Variants in PCSK2 observed in about 807,000 individuals in gnomAD.
PCSK2 encodes the protein neuroendocrine convertase 2.
Under a neutral mutation model 69.7 loss-of-function variants are expected in PCSK2, and 14 were observed. The observed-to-expected ratio is 0.20, with a 90% CI of 0.13 to 0.31. PCSK2 has a LOEUF of 0.31. Ranked by LOEUF, PCSK2 falls within the 10% of genes least tolerant of loss-of-function variation. The pLI, the probability that PCSK2 is intolerant of heterozygous loss-of-function variation, is 1.00. For missense variants in PCSK2, 544 were observed against 842.5 expected, an observed-to-expected ratio of 0.65 and a Z score of 4.39; for synonymous variants, 307 against 320.7, an observed-to-expected ratio of 0.96 and a Z score of 0.46.
intron 2 of PCSK2, among the ~76,000 whole-genome samples, chr20:17,305,859 T>G (rs1989310924): frequency 6.6e-6 from 1 of 152,236 alleles, no homozygotes; most frequent in Non-Finnish European, 1.5e-5. Flanking sequence ...CTTTGCAGGT[T>G]TAGCACTATG....
At chr20:17,383,213 C>T (rs149267142) in intron 5 of PCSK2, among the ~76,000 whole-genome samples, 1 of 152,302 alleles carries the variant, frequency 6.6e-6, no homozygotes, top group African/African-American at 2.4e-5. Context: ...TTAATTTCTT[C>T]TGGCCATGCT....
chr20:17,265,485 T>A (rs1220889089), intron 2 of PCSK2, among the ~76,000 whole-genome samples: 1 of 152,182 alleles, frequency 6.6e-6, no homozygotes, highest in Non-Finnish European at 1.5e-5. Flanking sequence ...ATAAAGCATA[T>A]AGATTTGATT....
At chr20:17,332,017 A>G (rs961718318) in intron 2 of PCSK2, among the ~76,000 whole-genome samples, 1 of 152,226 alleles carries the variant, frequency 6.6e-6, no homozygotes, top group African/African-American at 2.4e-5. Context: ...CAGAGCATTT[A>G]TTACATGCTA....
chr20:17,314,056 GT>G (rs1989600847), intron 2 of PCSK2, among the ~76,000 whole-genome samples: 1 of 151,560 alleles, frequency 6.6e-6, no homozygotes, highest in African/African-American at 2.4e-5. Flanking sequence ...CACCCACCAT[GT>G]CCCTACCCCC....
chr20:17,303,585 C>CT (rs1450455120), intron 2 of PCSK2, among the ~76,000 whole-genome samples: 1 of 107,874 alleles, frequency 9.3e-6, no homozygotes, highest in Admixed American at 1.2e-4. Context: ...AAAATATATA[C>CT]TTTTTTTTTG....
intron 2 of PCSK2, among the ~76,000 whole-genome samples, chr20:17,289,501 AAT>A (rs1414740190): frequency 2.6e-5 from 4 of 152,174 alleles, no homozygotes; most frequent in African/African-American, 4.8e-5. Flanking sequence ...TATTCTAAAA[AAT>A]ATAGTTTATT....
At chr20:17,406,223 G>A (rs2031746699) in intron 5 of PCSK2, among the ~76,000 whole-genome samples, 2 of 152,184 alleles carry the variant, frequency 1.3e-5, no homozygotes, top group Admixed American at 1.3e-4. Flanking sequence ...AGACAGCATT[G>A]TAATTCAAAT....
At chr20:17,274,446 C>G (rs1024366149) in intron 2 of PCSK2, among the ~76,000 whole-genome samples, 1 of 152,162 alleles carries the variant, frequency 6.6e-6, no homozygotes, top group Non-Finnish European at 1.5e-5. Context: ...GGGAGTGATA[C>G]TGGGCCAATT....
chr20:17,469,161 A>G (rs1600604855), intron 11 of PCSK2, among the ~76,000 whole-genome samples: 1 of 152,238 alleles, frequency 6.6e-6, no homozygotes, highest in East Asian at 1.9e-4. Context: ...TCACTCCCGT[A>G]TCCCTCCTCT....
chr20:17,295,662 G>C (rs1988869906), intron 2 of PCSK2, among the ~76,000 whole-genome samples: 1 of 151,702 alleles, frequency 6.6e-6, no homozygotes, highest in Admixed American at 6.6e-5. Flanking sequence ...CCACCCTCCT[G>C]CCTCAGCCTT....
At chr20:17,467,785 G>A (rs2033127155) in intron 11 of PCSK2, among the ~76,000 whole-genome samples, 1 of 152,150 alleles carries the variant, frequency 6.6e-6, no homozygotes, top group South Asian at 2.1e-4. Flanking sequence ...CAACACACAA[G>A]TCTACAGCAG....
At chr20:17,394,464 C>A (rs939734099) in intron 5 of PCSK2, among the ~76,000 whole-genome samples, 2 of 152,036 alleles carry the variant, frequency 1.3e-5, no homozygotes, top group Non-Finnish European at 2.9e-5. Flanking sequence ...TTGGAGCGAA[C>A]CGTAGGGGAT....
At chr20:17,237,771 G>A (rs578156753) in intron 1 of PCSK2, among the ~76,000 whole-genome samples, 1 of 152,210 alleles carries the variant, frequency 6.6e-6, no homozygotes, top group African/African-American at 2.4e-5. Flanking sequence ...AGGAAAGGAA[G>A]GCAGGAATAA....
intron 5 of PCSK2, among the ~76,000 whole-genome samples, chr20:17,393,193 C>T (rs2031427019): frequency 6.6e-6 from 1 of 152,090 alleles, no homozygotes; most frequent in Non-Finnish European, 1.5e-5. Context: ...CCAATGAGAC[C>T]AGAACATCAC....
intron 2 of PCSK2, among the ~76,000 whole-genome samples, chr20:17,305,601 A>G (rs944449206): frequency 4.6e-5 from 7 of 152,242 alleles, no homozygotes; most frequent in Non-Finnish European, 1.0e-4. Flanking sequence ...AAATGGGTAT[A>G]ATACTACATC....
Position 17,402,186 on chromosome 20 carries a change from A to G in PCSK2, c.544-7077A>G, listed in dbSNP as rs184948975. ...CACTCCTCCACCACAGGGTTTTGGA[A>G]AATATCAATTAAATAATATATTTTA... is the stretch of plus-strand genomic sequence containing the variant. On this transcript the variant is annotated intron_variant, in intron 5 of 11. Coordinates refer to ENST00000262545, the MANE Select transcript of PCSK2 (RefSeq NM_002594.5). Among the ~76,000 whole-genome samples the G allele has an allele frequency of 4.6e-5, 7 of 152,364 alleles. No individual in the cohort carries two copies. In the East Asian group the frequency reaches 9.6e-4, roughly 21 times the overall value.
At chr20:17,371,195 G>T (rs557829507) in intron 5 of PCSK2, among the ~76,000 whole-genome samples, 3 of 152,144 alleles carry the variant, frequency 2.0e-5, no homozygotes, top group Non-Finnish European at 4.4e-5. Flanking sequence ...CCCCACAAAG[G>T]CCTAAGACAT....
chr20:17,285,356 A>C (rs868598256), intron 2 of PCSK2, among the ~76,000 whole-genome samples: 25 of 152,238 alleles, frequency 1.6e-4, no homozygotes, highest in South Asian at 4.1e-4. Flanking sequence ...AAGGAACTTT[A>C]TTACCATGTC....
In PCSK2 at chr20:17,386,730, A is replaced by G. The variant is rs575371234; in HGVS notation, c.543+17453A>G. On this transcript the variant is annotated intron_variant, in intron 5 of 11. Transcript: ENST00000262545. ...AAGATTGTTTGCATAGGTACTTAACATTACTGAACTGTACACTTAAAAATG... is the reference window on the plus strand; with the variant it reads ...AAGATTGTTTGCATAGGTACTTAACGTTACTGAACTGTACACTTAAAAATG... Among the ~76,000 whole-genome samples, 8 of 152,366 alleles carry G rather than the reference A, an allele frequency of 5.3e-5. No individual in the cohort carries two copies. In the South Asian group the frequency reaches 1.7e-3, roughly 32 times the overall value.
Sources: gnomAD v4.1 joint callset for allele counts (sites outside exome capture counted in the v4.1 genomes callset) on GRCh38, gnomAD v4.1.1 for gene constraint, MANE v1.5 for transcripts, NCBI Gene and HGNC (gene_info 2026-07-23, HGNC 2026-07-21) for gene names.